The following FOXP1 variants were observed in gnomAD, a reference collection of about 807,000 sequenced individuals.
FOXP1 encodes forkhead box P1, also known as forkhead box protein P1.
A neutral mutation model predicts 98.2 loss-of-function variants in FOXP1; 15 were observed. That is an observed-to-expected ratio of 0.15 (90% CI 0.10 to 0.24). The LOEUF is 0.24. Ranked by LOEUF, FOXP1 falls within the 10% of genes least tolerant of loss-of-function variation. The pLI is 1.00. For missense variants in FOXP1, 633 were observed against 848.5 expected (o/e 0.75, Z 3.15); for synonymous variants, 371 against 314.5 (o/e 1.18, Z -1.90).
At chr3:71,229,404 A>C (rs1020898876) in intron 5 of FOXP1, among the ~76,000 whole-genome samples, 3 of 152,174 alleles carry the variant, frequency 2.0e-5, no homozygotes, top group Non-Finnish European at 2.9e-5. Flanking sequence ...TCATTATAAA[A>C]CCAGATGAAA....
At chr3:71,041,854 T>G (rs1576377715) in intron 10 of FOXP1, among the ~76,000 whole-genome samples, 1 of 152,140 alleles carries the variant, frequency 6.6e-6, no homozygotes, top group East Asian at 1.9e-4. Context: ...TAGATAGATG[T>G]TACCTTAGTT....
At chr3:71,015,514 T>C (rs1011634707) in intron 12 of FOXP1, 35 bp downstream of exon 12, 4 of 1,447,366 alleles carry the variant, frequency 2.8e-6, no homozygotes, top group South Asian at 2.3e-5. Flanking sequence ...GTGTTGGCTA[T>C]GTAAAAGAAG....
chr3:71,401,044 C>T (rs1439362415), intron 3 of FOXP1, among the ~76,000 whole-genome samples: 1 of 152,092 alleles, frequency 6.6e-6, no homozygotes, highest in Non-Finnish European at 1.5e-5. Flanking sequence ...TCCTTCCGTA[C>T]GGGAGTCTCC....
chr3:71,482,217 T>C lies in FOXP1; in HGVS notation c.-168+11209A>G, dbSNP rs746944907. Among the ~76,000 whole-genome samples, 129 of 152,168 alleles carry C rather than the reference T, an allele frequency of 8.5e-4. 1 individual carries two copies. Among genetic ancestry groups the C allele is most frequent in the Non-Finnish European group, 1.6e-3 (112 of 68,028 alleles). On this transcript the variant is annotated intron_variant, in intron 3 of 20. Transcript: ENST00000649528. ...GGGCTTTGCTGCACCCAGGTACCAC[T>C]TGCACAGTAATCTTTATAGTTTTCC... is the stretch of plus-strand genomic sequence containing the variant.
At chr3:71,175,152 T>A (rs1463200841) in intron 6 of FOXP1, among the ~76,000 whole-genome samples, 1 of 152,218 alleles carries the variant, frequency 6.6e-6, no homozygotes, top group East Asian at 1.9e-4. Flanking sequence ...GACCTCGTGA[T>A]CCATCCGCCT....
At chr3:71,162,977 G>A (rs1460790867) in intron 6 of FOXP1, among the ~76,000 whole-genome samples, 1 of 152,148 alleles carries the variant, frequency 6.6e-6, no homozygotes, top group Admixed American at 6.5e-5. Context: ...ATGTATCAAT[G>A]CAACAGAAAG....
intron 4 of FOXP1, among the ~76,000 whole-genome samples, chr3:71,317,973 G>A (rs1435742818): frequency 1.3e-5 from 2 of 151,558 alleles, no homozygotes; most frequent in Non-Finnish European, 3.0e-5. Flanking sequence ...ACATTTTAAG[G>A]AAACAGATAC....
At chr3:71,548,869 A>G (rs951670995) in intron 2 of FOXP1, among the ~76,000 whole-genome samples, 4 of 152,212 alleles carry the variant, frequency 2.6e-5, no homozygotes, top group African/African-American at 9.7e-5. Flanking sequence ...AGTAGTCAGC[A>G]TTTTGTTTAT....
intron 2 of FOXP1, among the ~76,000 whole-genome samples, chr3:71,499,540 A>G (rs994941006): frequency 2.6e-5 from 4 of 152,262 alleles, no homozygotes; most frequent in Non-Finnish European, 5.9e-5. Context: ...CAGATTGGCC[A>G]GAAAACTTGG....
At chr3:71,328,990 C>T (rs13087189) in intron 4 of FOXP1, among the ~76,000 whole-genome samples, 1 of 59,026 alleles carries the variant, frequency 1.7e-5, no homozygotes. Context: ...AAAAAAAAAA[C>T]AAAAAAAAAA....
At chr3:71,199,713 C>G (rs1251593625) in intron 5 of FOXP1, among the ~76,000 whole-genome samples, 1 of 151,454 alleles carries the variant, frequency 6.6e-6, no homozygotes, top group Non-Finnish European at 1.5e-5. Flanking sequence ...GTACTCCAGC[C>G]TAGGTGACAG....
At chr3:70,995,297 G>A (rs1487185249) in intron 13 of FOXP1, among the ~76,000 whole-genome samples, 2 of 152,312 alleles carry the variant, frequency 1.3e-5, no homozygotes, top group East Asian at 3.9e-4. Context: ...GCATTTCTCA[G>A]TGGGGAGTTC....
intron 4 of FOXP1, among the ~76,000 whole-genome samples, chr3:71,350,441 T>C (rs2077702707): frequency 6.6e-6 from 1 of 152,178 alleles, no homozygotes; most frequent in Non-Finnish European, 1.5e-5. Context: ...ATATTATAAC[T>C]GACTTTTCTG....
intron 3 of FOXP1, among the ~76,000 whole-genome samples, chr3:71,476,273 T>C (rs1328050921): frequency 6.6e-5 from 10 of 152,212 alleles, no homozygotes; most frequent in African/African-American, 2.4e-4. Flanking sequence ...TCATATTTTC[T>C]TTTTTAAATA....
intron 6 of FOXP1, among the ~76,000 whole-genome samples, chr3:71,180,026 G>A (rs918294669): frequency 4.6e-5 from 7 of 152,044 alleles, no homozygotes; most frequent in Non-Finnish European, 8.8e-5. Context: ...TGACTGTCTC[G>A]CCACCTCTTC....
At chr3:71,266,345 G>A (rs1356586634) in intron 5 of FOXP1, among the ~76,000 whole-genome samples, 1 of 152,048 alleles carries the variant, frequency 6.6e-6, no homozygotes, top group Non-Finnish European at 1.5e-5. Context: ...TGCCCCCCAG[G>A]TTTAAGCAAT....
At chr3:71,400,125 T>A (rs770687011) in intron 3 of FOXP1, among the ~76,000 whole-genome samples, 1 of 152,158 alleles carries the variant, frequency 6.6e-6, no homozygotes, top group East Asian at 1.9e-4. Flanking sequence ...CTGGGAGGGT[T>A]TGGGGCTGAA....
intron 5 of FOXP1, among the ~76,000 whole-genome samples, chr3:71,290,766 A>G (rs1018051723): frequency 6.6e-6 from 1 of 152,238 alleles, no homozygotes; most frequent in African/African-American, 2.4e-5. Flanking sequence ...TTGAGCACAG[A>G]TACAACACTC....
chr3:71,535,138 T>C (rs930548885), intron 2 of FOXP1, among the ~76,000 whole-genome samples: 4 of 152,192 alleles, frequency 2.6e-5, no homozygotes, highest in African/African-American at 9.7e-5. Flanking sequence ...AATCCTGTGT[T>C]CCTTTAGTGG....
Sources: gnomAD v4.1 joint callset for allele counts (sites outside exome capture counted in the v4.1 genomes callset) on GRCh38, gnomAD v4.1.1 for gene constraint, MANE v1.5 for transcripts, NCBI Gene and HGNC (gene_info 2026-07-23, HGNC 2026-07-21) for gene names.